CNTN5: variants seen among roughly 807,000 people sequenced by gnomAD.
CNTN5 encodes contactin-5.
Under a neutral mutation model 129.1 loss-of-function variants are expected in CNTN5, and 77 were observed. That is an observed-to-expected ratio of 0.60 (90% CI 0.50 to 0.72). The LOEUF (loss-of-function observed/expected upper bound fraction) is 0.72. Among genes scored for constraint, CNTN5 ranks in the 30% least tolerant of loss-of-function variants. The pLI is 0.00. For missense variants in CNTN5, 1,478 were observed against 1,328.8 expected (o/e 1.11, Z -1.75); for synonymous variants, 509 against 465.6 (o/e 1.09, Z -1.20).
chr11:99,645,397 T>A (rs973896742), intron 3 of CNTN5, among the ~76,000 whole-genome samples: 1 of 151,932 alleles, frequency 6.6e-6, no homozygotes, highest in Non-Finnish European at 1.5e-5. Context: ...GTAATGGGAT[T>A]GCTGGGTCAG....
intron 13 of CNTN5, among the ~76,000 whole-genome samples, chr11:100,129,639 A>G (rs1307999654): frequency 6.6e-6 from 1 of 152,122 alleles, no homozygotes; most frequent in Non-Finnish European, 1.5e-5. Context: ...TCTCTTTTAC[A>G]TACATTTAAA....
chr11:99,974,789 A>T lies in CNTN5; in HGVS notation c.877+17780A>T, dbSNP rs529208142. On this transcript the variant is annotated intron_variant, in intron 8 of 24. Coordinates refer to ENST00000524871, the MANE Select transcript of CNTN5 (RefSeq NM_014361.4). ...ATTTTCTTAATAATTAGTAGAGTCT[A>T]CTTAATATTATAGCATGCTTTTTTC... Among the ~76,000 whole-genome samples, 3 of 152,340 alleles carry T rather than the reference A, an allele frequency of 2.0e-5. No individual in the cohort carries two copies. In the South Asian group the frequency reaches 6.2e-4, roughly 32 times the overall value.
At chr11:100,205,565 A>G (rs1208177238) in intron 15 of CNTN5, among the ~76,000 whole-genome samples, 1 of 152,110 alleles carries the variant, frequency 6.6e-6, no homozygotes, top group Non-Finnish European at 1.5e-5. Flanking sequence ...GAATAATTGA[A>G]GCCTCTATTG....
chr11:99,626,622 G>A lies in CNTN5; in HGVS notation c.55+70353G>A, dbSNP rs1370691517. Among the ~76,000 whole-genome samples, 3 of 152,000 alleles carry A rather than the reference G, an allele frequency of 2.0e-5. No individual in the cohort carries two copies. In the East Asian group the frequency reaches 5.8e-4, roughly 29 times the overall value. Reference sequence around the variant, plus strand: ...ATGTAATTGCAAACATTTTTAGTATGTCATTTTATTTTTTTTGTATAAAAT... The same window carrying A: ...ATGTAATTGCAAACATTTTTAGTATATCATTTTATTTTTTTTGTATAAAAT... On this transcript the variant is annotated intron_variant, in intron 3 of 24. Transcript: ENST00000524871.
chr11:99,733,309 G>C (rs1030646550), intron 3 of CNTN5, among the ~76,000 whole-genome samples: 2 of 138,018 alleles, frequency 1.4e-5, no homozygotes, highest in African/African-American at 5.9e-5. Flanking sequence ...GCGACAGAGA[G>C]AGATTCTGTC....
chr11:99,481,300 C>T (rs945793098), intron 2 of CNTN5, among the ~76,000 whole-genome samples: 2 of 152,094 alleles, frequency 1.3e-5, no homozygotes, highest in Non-Finnish European at 2.9e-5. Context: ...AAGCCTGACA[C>T]CATTAATATC....
intron 3 of CNTN5, among the ~76,000 whole-genome samples, chr11:99,710,566 C>CGTGT (rs1954936867): frequency 1.3e-5 from 1 of 78,126 alleles, no homozygotes; most frequent in African/African-American, 4.7e-5. Flanking sequence ...TGTGTGTGTG[C>CGTGT]ATGTGTGTGT....
chr11:99,345,143 A>G (rs1026753027), intron 2 of CNTN5, among the ~76,000 whole-genome samples: 1 of 152,210 alleles, frequency 6.6e-6, no homozygotes, highest in Non-Finnish European at 1.5e-5. Flanking sequence ...TAAAGCAAGC[A>G]TATAAGCCAT....
At chr11:100,009,451 T>TA (rs35373665) in intron 9 of CNTN5, among the ~76,000 whole-genome samples, 32 of 148,758 alleles carry the variant, frequency 2.2e-4, no homozygotes, top group Middle Eastern at 3.5e-3. Context: ...CAGCAAAGTG[T>TA]AAAAAAAAAA....
chr11:100,131,218 C>G (rs149420489), intron 13 of CNTN5, among the ~76,000 whole-genome samples: 1 of 151,940 alleles, frequency 6.6e-6, no homozygotes, highest in Non-Finnish European at 1.5e-5. Context: ...AATTAAAAGG[C>G]TATTTTAGTG....
intron 8 of CNTN5, among the ~76,000 whole-genome samples, chr11:99,988,656 G>T (rs569803691): frequency 6.6e-6 from 1 of 152,278 alleles, no homozygotes; most frequent in African/African-American, 2.4e-5. Context: ...ATTTTGTGGG[G>T]ACTAAGACAG....
chr11:99,109,989 TCAGACCCCTG>T (rs1165055769), intron 1 of CNTN5, among the ~76,000 whole-genome samples: 1 of 152,068 alleles, frequency 6.6e-6, no homozygotes, highest in Non-Finnish European at 1.5e-5. Flanking sequence ...AACAAAATAA[TCAGACCCCTG>T]TCATCTCAGA....
intron 13 of CNTN5, among the ~76,000 whole-genome samples, chr11:100,077,848 A>G (rs568931806): frequency 1.3e-5 from 2 of 152,196 alleles, no homozygotes; most frequent in East Asian, 3.9e-4. Context: ...AAAATATAAT[A>G]AAATAAGATC....
In CNTN5 at chr11:99,403,774, A is replaced by G. The variant is rs113058810; in HGVS notation, c.-71+78290A>G. Among the ~76,000 whole-genome samples the G allele has an allele frequency of 1.4e-3, 219 of 152,298 alleles. 1 individual carries two copies. The highest frequency in any genetic ancestry group is 2.7e-3 in the Non-Finnish European group (181 of 68,024). On this transcript the variant is annotated intron_variant, in intron 2 of 24. Transcript: ENST00000524871. ...TTTAAGACTTGTTTTGTGACTTAAC[A>G]TATGGGCTGTCCTTGATGATGATCC...
intron 2 of CNTN5, among the ~76,000 whole-genome samples, chr11:99,439,707 C>CAAAAAAAAAAAAAAA (rs376871051): frequency 1.0e-4 from 10 of 95,368 alleles, no homozygotes; most frequent in African/African-American, 1.7e-4. Context: ...GACTCTGTCT[C>CAAAAAAAAAAAAAAA]AAAAAAAAAA....
At chr11:99,477,585 G>T (rs1455372501) in intron 2 of CNTN5, among the ~76,000 whole-genome samples, 1 of 151,726 alleles carries the variant, frequency 6.6e-6, no homozygotes, top group Non-Finnish European at 1.5e-5. Context: ...GGGAAAGAGA[G>T]AAACTTAGAA....
chr11:99,046,580 A>T (rs1265985238), intron 1 of CNTN5, among the ~76,000 whole-genome samples: 1 of 152,188 alleles, frequency 6.6e-6, no homozygotes, highest in Non-Finnish European at 1.5e-5. Flanking sequence ...GTGGTACAAG[A>T]GAGTCATTTT....
chr11:100,194,670 A>G (rs914269642), intron 15 of CNTN5, among the ~76,000 whole-genome samples: 1 of 151,808 alleles, frequency 6.6e-6, no homozygotes, highest in Non-Finnish European at 1.5e-5. Flanking sequence ...CTTAATCTCT[A>G]GTCAGCTGTG....
intron 13 of CNTN5, among the ~76,000 whole-genome samples, chr11:100,088,067 G>T (rs1184601916): frequency 6.6e-6 from 1 of 151,420 alleles, no homozygotes; most frequent in Non-Finnish European, 1.5e-5. Context: ...TGAAATAAAT[G>T]AAGAGACACA....
Sources: allele counts gnomAD v4.1 joint callset (sites outside exome capture counted in the v4.1 genomes callset), GRCh38; gene constraint gnomAD v4.1.1; transcripts MANE v1.5; gene names NCBI Gene and HGNC (gene_info 2026-07-23, HGNC 2026-07-21).